The following DAB2IP variants were observed in gnomAD, a reference collection of about 807,000 sequenced individuals.
DAB2IP encodes the protein DAB2 interacting protein, also known as disabled homolog 2-interacting protein.
A neutral mutation model predicts 107.2 loss-of-function variants in DAB2IP; 28 were observed. The ratio of observed to expected loss-of-function variants is 0.26; its 90% CI spans 0.19 to 0.36. DAB2IP has a LOEUF of 0.36. DAB2IP is among the 10% of genes least tolerant of loss of function. The probability of loss-of-function intolerance (pLI) is 1.00; values close to 1 mark genes in which losing one functional copy is unlikely to be tolerated. For missense variants in DAB2IP, 1,400 were observed against 1,644.7 expected (o/e 0.85, Z 2.57); for synonymous variants, 755 against 706.4 (o/e 1.07, Z -1.09).
intron 3 of DAB2IP, among the ~76,000 whole-genome samples, chr9:121,730,047 TAAGGTCAGGACTTG>T (rs1831440261): frequency 6.6e-6 from 1 of 152,108 alleles, no homozygotes; most frequent in South Asian, 2.1e-4. Context: ...AAGCTGTTGG[TAAGGTCAGGACTTG>T]AACCTCCATC....
rs1358184299 is a variant in DAB2IP, at chr9:121,772,931, G to T, written c.2403G>T (p.Arg801=). ...ACCTGGCAGGGCTGGCCACGGTGCG[G>T]CGGGCAGGCCAGACACCAACCACAC... is the stretch of plus-strand genomic sequence containing the variant. Residue 801 remains arginine, a synonymous_variant, in exon 12 of 16, where the codon CGG becomes CGT. Coordinates refer to ENST00000408936, the Ensembl canonical transcript of DAB2IP. This position sits in a 1 kb window ranked among gnomAD's most constrained non-coding sequence, Gnocchi z 4.7. 1.3e-6 allele frequency: 2 copies of T among 1,559,284 alleles called. No homozygotes were observed.
intron 1 of DAB2IP, among the ~76,000 whole-genome samples, chr9:121,593,655 TC>T (rs1830460874): frequency 7.2e-6 from 1 of 139,576 alleles, no homozygotes; most frequent in African/African-American, 2.7e-5. Flanking sequence ...TTCTTTTTTT[TC>T]TTTTTTCTTT....
intron 1 of DAB2IP, among the ~76,000 whole-genome samples, chr9:121,637,329 C>A (rs976751804): frequency 6.6e-6 from 1 of 152,212 alleles, no homozygotes; most frequent in Non-Finnish European, 1.5e-5. Flanking sequence ...AGCAAGCACC[C>A]GTGGAGTGGG....
chr9:121,617,273 G>C (rs111961594), intron 1 of DAB2IP, among the ~76,000 whole-genome samples: 6 of 152,292 alleles, frequency 3.9e-5, no homozygotes, highest in African/African-American at 1.4e-4. Context: ...GCAGTGAGCC[G>C]AGATTGGGCC....
intron 1 of DAB2IP, among the ~76,000 whole-genome samples, chr9:121,569,692 A>C (rs1247407984): frequency 1.3e-5 from 2 of 152,222 alleles, no homozygotes; most frequent in Admixed American, 1.3e-4. Flanking sequence ...ATGGTGGTGC[A>C]TGCCTTTAAT....
chr9:121,782,601 G>A lies in DAB2IP; in HGVS notation c.*103G>A. Reference sequence around the variant, plus strand: ...CACCCACGGTTGCAGCCCCAGCGCGGGTGTCAGGAGGCCGAGCCTCCCCTC... The same window carrying A: ...CACCCACGGTTGCAGCCCCAGCGCGAGTGTCAGGAGGCCGAGCCTCCCCTC... On this transcript the variant is annotated 3_prime_UTR_variant, in exon 16 of 16. Transcript: ENST00000408936. This position sits in a 1 kb window ranked among gnomAD's most constrained non-coding sequence, Gnocchi z 6.1. The A allele has an allele frequency of 6.5e-7, 1 of 1,528,924 alleles. No homozygotes were observed. 94.7% of individuals were successfully genotyped at this position (1,528,924 alleles called of 1,614,324 possible).
At position 121,587,577 on chromosome 9, in the gene DAB2IP, C is replaced by T. The variant is rs551732953; in HGVS notation, c.40+20349C>T. Among the ~76,000 whole-genome samples, 19 of 149,222 alleles carry T rather than the reference C, an allele frequency of 1.3e-4. No homozygotes were observed. In the South Asian group the frequency reaches 4.1e-3, roughly 32 times the overall value. On this transcript the variant is annotated intron_variant, in intron 1 of 16. Transcript: ENST00000259371. ...GAGCCAAGATCTCATTACTGCACTC[C>T]AGTCTGAGCAATCAGAGTGAGATCC...
At chr9:121,681,907 G>A (rs536010411) in intron 2 of DAB2IP, among the ~76,000 whole-genome samples, 4 of 152,314 alleles carry the variant, frequency 2.6e-5, no homozygotes, top group Admixed American at 1.3e-4. Context: ...CTTGGACTGT[G>A]GACTTGGTGA....
intron 3 of DAB2IP, among the ~76,000 whole-genome samples, chr9:121,745,636 G>A (rs1564195214): frequency 6.8e-6 from 1 of 146,764 alleles, no homozygotes; most frequent in Non-Finnish European, 1.5e-5. Flanking sequence ...GGATTGGGGC[G>A]GGGCGGGGGT....
chr9:121,733,269 C>T (rs931943768), intron 3 of DAB2IP, among the ~76,000 whole-genome samples: 2 of 152,238 alleles, frequency 1.3e-5, no homozygotes, highest in Non-Finnish European at 2.9e-5. Flanking sequence ...AAGCCTCTGT[C>T]GTCTGCTCAG....
intron 5 of DAB2IP, 79 bp downstream of exon 5, chr9:121,759,075 T>G: frequency 1.2e-5 from 17 of 1,419,738 alleles, no homozygotes; most frequent in Non-Finnish European, 1.7e-5. Context: ...AGACTATCTC[T>G]GTGGTGTGGG....
chr9:121,742,741 C>G (rs555991524), intron 3 of DAB2IP: 1 of 985,676 alleles, frequency 1.0e-6, no homozygotes, highest in South Asian at 4.7e-5. Flanking sequence ...TCCCCGCATC[C>G]TCCCTCTGAC....
In DAB2IP at chr9:121,702,404, G is replaced by A. The variant is rs1829836274; in HGVS notation, c.362+2946G>A. 2.0e-5 allele frequency among the ~76,000 whole-genome samples: 3 copies of A among 152,150 alleles called. No individual in the cohort carries two copies. Among genetic ancestry groups the A allele is most frequent in the Admixed American group, 2.0e-4 (3 of 15,282 alleles). ...TGGTTGGCACAGCTGGGCTCTGGGG[G>A]CTGGGGGCTGTAGGACAGGCTTGAG... On this transcript the variant is annotated intron_variant, in intron 3 of 15. Coordinates refer to ENST00000408936, the Ensembl canonical transcript of DAB2IP. This position sits in a 1 kb window ranked among gnomAD's most constrained non-coding sequence, Gnocchi z 4.5.
chr9:121,569,962 A>T (rs535178682), intron 1 of DAB2IP, among the ~76,000 whole-genome samples: 1 of 128,564 alleles, frequency 7.8e-6, no homozygotes, highest in East Asian at 1.9e-4. Flanking sequence ...ACTAATTAAA[A>T]TTTTTGTGTG....
exon 16 of DAB2IP, chr9:121,783,642 C>T: frequency 6.8e-7 from 1 of 1,475,022 alleles, no homozygotes; most frequent in East Asian, 2.3e-5. Context: ...GGATGTTAGA[C>T]TTGCTCCCTC....
intron 9 of DAB2IP, among the ~76,000 whole-genome samples, chr9:121,767,669 C>CTCTGT (rs1439359377): frequency 6.6e-6 from 1 of 152,160 alleles, no homozygotes; most frequent in East Asian, 1.9e-4. Context: ...GATGGCCTTC[C>CTCTGT]TCTGTTCTGG....
At chr9:121,757,572 G>T (rs1439959509) in intron 4 of DAB2IP, among the ~76,000 whole-genome samples, 1 of 150,702 alleles carries the variant, frequency 6.6e-6, no homozygotes, top group African/African-American at 2.5e-5. Flanking sequence ...TGTGAACAAT[G>T]AGAGCCCAAA....
intron 1 of DAB2IP, among the ~76,000 whole-genome samples, chr9:121,640,504 A>C (rs928595495): frequency 3.9e-5 from 6 of 152,142 alleles, no homozygotes; most frequent in Admixed American, 2.6e-4. Flanking sequence ...CTGTTGCCCA[A>C]GCTGCCTCCC....
chr9:121,759,552 G>A (rs148337129), intron 5 of DAB2IP, among the ~76,000 whole-genome samples: 1 of 152,206 alleles, frequency 6.6e-6, no homozygotes, highest in Non-Finnish European at 1.5e-5. Context: ...GTTAATAATG[G>A]CATAGCCTGT....
Sources: allele counts gnomAD v4.1 joint callset (sites outside exome capture counted in the v4.1 genomes callset), GRCh38; gene constraint gnomAD v4.1.1; non-coding constraint Gnocchi (gnomAD v3.1); transcripts MANE v1.5; gene names NCBI Gene and HGNC (gene_info 2026-07-23, HGNC 2026-07-21).